ATP9A: variants seen among roughly 807,000 people sequenced by gnomAD.
ATP9A encodes probable phospholipid-transporting ATPase IIA.
Under a neutral mutation model 144.1 loss-of-function variants are expected in ATP9A, and 52 were observed. The ratio of observed to expected loss-of-function variants is 0.36; its 90% CI spans 0.29 to 0.45. ATP9A has a LOEUF of 0.45. Ranked by LOEUF, ATP9A falls within the 20% of genes least tolerant of loss-of-function variation. The probability of loss-of-function intolerance (pLI) is 1.00; values close to 1 mark genes in which losing one functional copy is unlikely to be tolerated. For synonymous variants in ATP9A, 582 were observed against 557.4 expected, an observed-to-expected ratio of 1.04 and a Z score of -0.62; for missense variants, 947 against 1,392.7, an observed-to-expected ratio of 0.68 and a Z score of 5.09.
chr20:51,761,589 G>A (rs1242576046), intron 1 of ATP9A, among the ~76,000 whole-genome samples: 13 of 151,910 alleles, frequency 8.6e-5, no homozygotes, highest in East Asian at 1.9e-4. Flanking sequence ...GTGAAACCCC[G>A]TCTCTAATAA....
intron 7 of ATP9A, among the ~76,000 whole-genome samples, chr20:51,693,779 G>T (rs1335902168): frequency 6.6e-6 from 1 of 152,134 alleles, no homozygotes; most frequent in Non-Finnish European, 1.5e-5. Context: ...CCTTGGCAAG[G>T]CTCCTTATGG....
At chr20:51,624,464 T>G (rs1568790528) in intron 18 of ATP9A, among the ~76,000 whole-genome samples, 1 of 152,110 alleles carries the variant, frequency 6.6e-6, no homozygotes, top group Non-Finnish European at 1.5e-5. Flanking sequence ...TATTTTTTTT[T>G]GGGTCGCCAC....
chr20:51,720,663 G>A (rs62226693), intron 3 of ATP9A, among the ~76,000 whole-genome samples: 10,285 of 152,122 alleles, frequency 0.068, 794 homozygotes, highest in African/African-American at 0.19. Context: ...GTGAAACCTC[G>A]TCTCTACTAA....
intron 4 of ATP9A, among the ~76,000 whole-genome samples, chr20:51,710,250 C>T (rs1294461825): frequency 6.6e-6 from 1 of 151,914 alleles, no homozygotes; most frequent in African/African-American, 2.4e-5. Flanking sequence ...TTGCAGCGAG[C>T]GAAGATCGCG....
chr20:51,742,086 G>C (rs528077728), intron 1 of ATP9A, among the ~76,000 whole-genome samples: 18 of 152,296 alleles, frequency 1.2e-4, no homozygotes, highest in Non-Finnish European at 2.5e-4. Context: ...CACTTTGAGA[G>C]GCCGAGGCAG....
chr20:51,760,257 C>T (rs374444268), intron 1 of ATP9A, among the ~76,000 whole-genome samples: 98 of 150,644 alleles, frequency 6.5e-4, no homozygotes, highest in African/African-American at 2.1e-3. Flanking sequence ...GAATCCATAA[C>T]GTACATTAAA....
chr20:51,699,333 CAAAAAAAA>C (rs74175569), intron 4 of ATP9A, among the ~76,000 whole-genome samples: 3 of 70,460 alleles, frequency 4.3e-5, no homozygotes, highest in African/African-American at 1.6e-4. Flanking sequence ...AACTCAATCT[CAAAAAAAA>C]AAAAAAAAAA....
At chr20:51,642,746 A>C (rs2077325825) in intron 14 of ATP9A, among the ~76,000 whole-genome samples, 1 of 144,450 alleles carries the variant, frequency 6.9e-6, no homozygotes, top group East Asian at 2.0e-4. Context: ...AAAAAAAAAA[A>C]AAAAAAAAAA....
chr20:51,650,961 A>G (rs74344193), intron 14 of ATP9A, among the ~76,000 whole-genome samples: 2,932 of 151,538 alleles, frequency 0.019, 96 homozygotes, highest in African/African-American at 0.068. Context: ...CAGAAATGTG[A>G]AAGTCATATG....
At chr20:51,739,660 G>A (rs1046921342) in intron 1 of ATP9A, among the ~76,000 whole-genome samples, 7 of 152,132 alleles carry the variant, frequency 4.6e-5, no homozygotes, top group Non-Finnish European at 8.8e-5. Context: ...GGGTTTAGCT[G>A]AGCCCAATCC....
At chr20:51,740,247 G>A (rs1396412602) in intron 1 of ATP9A, among the ~76,000 whole-genome samples, 6 of 151,362 alleles carry the variant, frequency 4.0e-5, no homozygotes, top group African/African-American at 1.5e-4. Flanking sequence ...TGTAGAGTCA[G>A]GGGTCTCCCT....
intron 1 of ATP9A, among the ~76,000 whole-genome samples, chr20:51,759,353 C>T (rs543700612): frequency 7.9e-5 from 12 of 152,210 alleles, no homozygotes; most frequent in Non-Finnish European, 1.8e-4. Flanking sequence ...ATACTCCCTC[C>T]ACCACATCAA....
intron 1 of ATP9A, among the ~76,000 whole-genome samples, chr20:51,733,032 T>C (rs1479194640): frequency 6.6e-6 from 1 of 151,996 alleles, no homozygotes; most frequent in Non-Finnish European, 1.5e-5. Flanking sequence ...TTTAAGAGAA[T>C]CACAAACTGT....
chr20:51,610,398 G>A (rs770423252), intron 23 of ATP9A, among the ~76,000 whole-genome samples: 1 of 152,146 alleles, frequency 6.6e-6, no homozygotes, highest in Non-Finnish European at 1.5e-5. Context: ...GAGAGGGTAC[G>A]TGGCTTGCCC....
chr20:51,766,579 C>A (rs1363463668), intron 1 of ATP9A, among the ~76,000 whole-genome samples: 1 of 152,106 alleles, frequency 6.6e-6, no homozygotes. Context: ...CGGTGACTCA[C>A]GCCTGTAATC....
chr20:51,714,526 C>T (rs761074210), intron 3 of ATP9A, among the ~76,000 whole-genome samples: 8 of 152,150 alleles, frequency 5.3e-5, no homozygotes, highest in Non-Finnish European at 1.0e-4. Flanking sequence ...GTATTACATG[C>T]CCACCTAATT....
intron 3 of ATP9A, among the ~76,000 whole-genome samples, chr20:51,719,958 A>G (rs1199804420): frequency 6.6e-6 from 1 of 152,122 alleles, no homozygotes; most frequent in East Asian, 1.9e-4. Context: ...CTGAGGCAGG[A>G]GAATCACTTG....
intron 10 of ATP9A, 114 bp downstream of exon 10, chr20:51,676,017 TA>T: frequency 1.4e-6 from 1 of 734,262 alleles, no homozygotes; most frequent in Non-Finnish European, 2.3e-6. Flanking sequence ...CATAAAAAGA[TA>T]AAATGTCTGT....
chr20:51,703,724 A>G (rs2077603676), intron 4 of ATP9A, among the ~76,000 whole-genome samples: 1 of 152,240 alleles, frequency 6.6e-6, no homozygotes, highest in African/African-American at 2.4e-5. Context: ...CAATTCAGTC[A>G]AACTGCAGAA....
Sources: allele counts gnomAD v4.1 joint callset (sites outside exome capture counted in the v4.1 genomes callset), GRCh38; gene constraint gnomAD v4.1.1; transcripts MANE v1.5; gene names NCBI Gene and HGNC (gene_info 2026-07-23, HGNC 2026-07-21).